The following SAMD4A variants were observed in gnomAD, a reference collection of about 807,000 sequenced individuals.
The protein encoded by SAMD4A is protein Smaug homolog 1.
A neutral mutation model predicts 81.3 loss-of-function variants in SAMD4A; 33 were observed. That is an observed-to-expected ratio of 0.41 (90% CI 0.31 to 0.54). The LOEUF (loss-of-function observed/expected upper bound fraction) is 0.54. SAMD4A is among the 20% of genes least tolerant of loss of function. The probability of loss-of-function intolerance (pLI) is 0.37; values close to 1 mark genes in which losing one functional copy is unlikely to be tolerated. For synonymous variants in SAMD4A, 389 were observed against 382.1 expected (o/e 1.02, Z -0.21); for missense variants, 854 against 951.1 (o/e 0.90, Z 1.34).
At chr14:54,754,774 A>G (rs187061273) in intron 6 of SAMD4A, 3 of 969,254 alleles carry the variant, frequency 3.1e-6, no homozygotes, top group East Asian at 1.1e-4. Flanking sequence ...GGCCCCGCCC[A>G]TAGTTAGTTC....
chr14:54,618,539 C>G (rs1333288926), intron 2 of SAMD4A, among the ~76,000 whole-genome samples: 1 of 152,192 alleles, frequency 6.6e-6, no homozygotes, highest in Non-Finnish European at 1.5e-5. Context: ...TATCAAATTT[C>G]TCTTTAAACT....
intron 2 of SAMD4A, among the ~76,000 whole-genome samples, chr14:54,578,928 C>A (rs924920958): frequency 1.2e-4 from 19 of 152,114 alleles, no homozygotes; most frequent in Non-Finnish European, 1.9e-4. Context: ...TGAATTGAAT[C>A]TTGCTTCTTT....
intron 2 of SAMD4A, among the ~76,000 whole-genome samples, chr14:54,632,039 C>G (rs2034916123): frequency 6.6e-6 from 1 of 152,160 alleles, no homozygotes; most frequent in Non-Finnish European, 1.5e-5. Context: ...TCCCTGCCCT[C>G]CTGGAGCTTA....
chr14:54,661,078 T>C (rs1005569263), intron 2 of SAMD4A, among the ~76,000 whole-genome samples: 2 of 152,246 alleles, frequency 1.3e-5, no homozygotes, highest in Non-Finnish European at 2.9e-5. Context: ...CCGAAGTTCT[T>C]GACCTCGGGC....
chr14:54,658,908 G>T (rs2035581428), intron 2 of SAMD4A, among the ~76,000 whole-genome samples: 1 of 152,178 alleles, frequency 6.6e-6, no homozygotes, highest in Non-Finnish European at 1.5e-5. Flanking sequence ...ACGCTTTGTG[G>T]GGGGCAGAAG....
chr14:54,713,230 G>T (rs1235325723), intron 3 of SAMD4A, among the ~76,000 whole-genome samples: 1 of 151,870 alleles, frequency 6.6e-6, no homozygotes, highest in African/African-American at 2.4e-5. Context: ...TGAATTTCAC[G>T]GTCTTAGGTA....
chr14:54,657,471 A>T (rs768690399), intron 2 of SAMD4A, among the ~76,000 whole-genome samples: 1 of 152,202 alleles, frequency 6.6e-6, no homozygotes, highest in Non-Finnish European at 1.5e-5. Flanking sequence ...TCATCGCCAG[A>T]TGAGAAGTCA....
intron 2 of SAMD4A, among the ~76,000 whole-genome samples, chr14:54,610,869 T>C (rs1001460870): frequency 6.6e-6 from 1 of 152,186 alleles, no homozygotes; most frequent in Admixed American, 6.5e-5. Flanking sequence ...TTTGGTTTTC[T>C]CTCTCTCAAC....
intron 6 of SAMD4A, among the ~76,000 whole-genome samples, chr14:54,757,314 A>T (rs912082861): frequency 6.6e-6 from 1 of 151,870 alleles, no homozygotes; most frequent in African/African-American, 2.4e-5. Flanking sequence ...AAAATTCTAC[A>T]TGATTCCTGG....
In SAMD4A at chr14:54,788,862, C is replaced by T. The variant is rs186635727; in HGVS notation, c.2129-54C>T. 284 of 1,612,412 alleles carry T rather than the reference C, an allele frequency of 1.8e-4. 2 individuals carry two copies. The African/African-American group carries it at 3.0e-3, about 17-fold the overall frequency. On this transcript the variant is annotated intron_variant, in intron 12 of 12. Transcript: ENST00000554335. ...TGCATGGCGTTGGCATAGGTGGGCA[C>T]GAACTGGATTGTTTTGCTCACCTGT...
chr14:54,601,612 G>A (rs2034054503), intron 2 of SAMD4A, among the ~76,000 whole-genome samples: 1 of 152,184 alleles, frequency 6.6e-6, no homozygotes, highest in South Asian at 2.1e-4. Flanking sequence ...AAATCAAAGG[G>A]CCATCACCTG....
At chr14:54,721,468 A>C (rs1337603176) in intron 3 of SAMD4A, among the ~76,000 whole-genome samples, 1 of 152,174 alleles carries the variant, frequency 6.6e-6, no homozygotes, top group Non-Finnish European at 1.5e-5. Flanking sequence ...AGAAATCTTT[A>C]ATGGGGAGTG....
intron 11 of SAMD4A, among the ~76,000 whole-genome samples, chr14:54,784,013 T>G (rs1427486421): frequency 1.3e-5 from 2 of 151,904 alleles, no homozygotes; most frequent in African/African-American, 4.8e-5. Context: ...GGGAAAGGGA[T>G]AGTGTGGGGG....
At chr14:54,686,536 C>T (rs1462899812) in intron 2 of SAMD4A, among the ~76,000 whole-genome samples, 1 of 147,258 alleles carries the variant, frequency 6.8e-6, no homozygotes, top group African/African-American at 2.5e-5. Flanking sequence ...TGGTGTTTTT[C>T]CATCGGGCTC....
chr14:54,625,651 G>A (rs527861960), intron 2 of SAMD4A, among the ~76,000 whole-genome samples: 30 of 152,216 alleles, frequency 2.0e-4, no homozygotes, highest in Non-Finnish European at 3.5e-4. Flanking sequence ...TCAGAGAAAG[G>A]GCCACATAGT....
intron 3 of SAMD4A, among the ~76,000 whole-genome samples, chr14:54,724,289 G>C (rs2037357445): frequency 6.6e-6 from 1 of 152,202 alleles, no homozygotes; most frequent in South Asian, 2.1e-4. Flanking sequence ...AGGCTTGCAA[G>C]TGAGAGAACC....
intron 2 of SAMD4A, among the ~76,000 whole-genome samples, chr14:54,681,176 C>T (rs1453626288): frequency 7.3e-6 from 1 of 137,416 alleles, no homozygotes; most frequent in Non-Finnish European, 1.6e-5. Context: ...GACCCCCCCT[C>T]CAGCCCCCCA....
rs746508728 is a variant in SAMD4A at position 54,760,329 on chromosome 14, G to A, written c.1345G>A (p.Asp449Asn). 12 of 1,603,872 alleles carry A rather than the reference G, an allele frequency of 7.5e-6. No individual in the cohort carries two copies. Among genetic ancestry groups the A allele is most frequent in the Middle Eastern group, 1.7e-4 (1 of 6,054 alleles). The part of the protein sequence containing the change: ...SLMGPESQSP[D>N]CKDGAAATGA... ...GATGGGCCCCGAGAGCCAGAGCCCC[G>A]ACTGCAAAGATGGGGCCGCAGCCAC... The change falls in exon 7 of 13, where the codon GAC (aspartate) becomes AAC (asparagine). Residue 449 changes from aspartate (D) to asparagine (N), a missense_variant. This residue lies in a region of SAMD4A where 428 missense variants were observed against 471.2 expected (regional missense o/e 0.91). Coordinates refer to ENST00000554335, the MANE Select transcript of SAMD4A (RefSeq NM_015589.6).
chr14:54,605,555 C>A (rs2140241490), intron 2 of SAMD4A, among the ~76,000 whole-genome samples: 1 of 152,270 alleles, frequency 6.6e-6, no homozygotes, highest in East Asian at 1.9e-4. Flanking sequence ...AGGGAAACCT[C>A]ACAGGGATGA....
Sources: allele counts gnomAD v4.1 joint callset (sites outside exome capture counted in the v4.1 genomes callset), GRCh38; gene constraint gnomAD v4.1.1; regional missense constraint gnomAD v4.1.1; transcripts MANE v1.5; gene names NCBI Gene and HGNC (gene_info 2026-07-23, HGNC 2026-07-21).